SCAPER: variants seen among roughly 807,000 people sequenced by gnomAD.
The protein encoded by SCAPER is S phase cyclin A-associated protein in the endoplasmic reticulum.
A neutral mutation model predicts 182.2 loss-of-function variants in SCAPER; 98 were observed. The ratio of observed to expected loss-of-function variants is 0.54; its 90% CI spans 0.46 to 0.64. The LOEUF (loss-of-function observed/expected upper bound fraction) is 0.64. Ranked by LOEUF, SCAPER falls within the 30% of genes least tolerant of loss-of-function variation. The pLI is 0.00. For missense variants in SCAPER, 1,432 were observed against 1,690.0 expected (o/e 0.85, Z 2.68); for synonymous variants, 605 against 564.6 (o/e 1.07, Z -1.01).
intron 25 of SCAPER, among the ~76,000 whole-genome samples, chr15:76,445,939 CT>C (rs1446665476): frequency 6.6e-6 from 1 of 152,144 alleles, no homozygotes; most frequent in Non-Finnish European, 1.5e-5. Context: ...CTTAAGACCT[CT>C]GATTCTTCCA....
At chr15:76,601,408 G>A (rs2049925606) in intron 22 of SCAPER, among the ~76,000 whole-genome samples, 1 of 121,292 alleles carries the variant, frequency 8.2e-6, no homozygotes, top group Non-Finnish European at 2.0e-5. Flanking sequence ...TCTTTCCTAT[G>A]TTTAGTTATG....
chr15:76,360,073 A>G (rs1446558976), intron 29 of SCAPER, among the ~76,000 whole-genome samples: 1 of 152,230 alleles, frequency 6.6e-6, no homozygotes, highest in Non-Finnish European at 1.5e-5. Context: ...GAAGGAAATT[A>G]GGATTACAAT....
intron 22 of SCAPER, among the ~76,000 whole-genome samples, chr15:76,617,047 A>G (rs976365017): frequency 5.9e-5 from 9 of 152,178 alleles, no homozygotes; most frequent in African/African-American, 2.2e-4. Context: ...ATTAATTTAT[A>G]CAAGGTATTG....
chr15:76,772,032 C>T lies in SCAPER; in HGVS notation c.1036-78G>A, dbSNP rs1034881422. ...CACTTTAGAAGAAGAGATGATTTTG[C>T]TTAACCTATTAACTATGAAGAAGAA... On this transcript the variant is annotated intron_variant, in intron 9 of 31. Transcript: ENST00000563290. 4 of 1,081,098 alleles carry T rather than the reference C, an allele frequency of 3.7e-6. No homozygotes were observed. In the African/African-American group the frequency reaches 8.0e-5, roughly 22 times the overall value. 67.0% of individuals were successfully genotyped at this position (1,081,098 alleles called of 1,614,324 possible). A position where few individuals can be genotyped will look rare whatever the true frequency, so the allele number is the denominator to read the frequency against.
At chr15:76,870,797 G>C (rs1432707737) in intron 2 of SCAPER, among the ~76,000 whole-genome samples, 1 of 152,060 alleles carries the variant, frequency 6.6e-6, no homozygotes. Flanking sequence ...AATGGGATTA[G>C]AGCACATAAA....
intron 22 of SCAPER, among the ~76,000 whole-genome samples, chr15:76,614,035 G>A (rs1326411609): frequency 6.6e-6 from 1 of 152,150 alleles, no homozygotes; most frequent in Admixed American, 6.5e-5. Context: ...AGAAAATGTG[G>A]TATGTATACA....
intron 26 of SCAPER, among the ~76,000 whole-genome samples, chr15:76,408,361 C>T (rs963213028): frequency 2.0e-5 from 3 of 152,088 alleles, no homozygotes; most frequent in Non-Finnish European, 4.4e-5. Flanking sequence ...TGACTGGATA[C>T]ATAAACATCA....
At chr15:76,644,254 A>G (rs1320108074) in intron 21 of SCAPER, among the ~76,000 whole-genome samples, 1 of 152,188 alleles carries the variant, frequency 6.6e-6, no homozygotes, top group Non-Finnish European at 1.5e-5. Context: ...GTGAGAATTC[A>G]GCTGTCTTTA....
At chr15:76,657,975 A>G (rs868183098) in intron 21 of SCAPER, among the ~76,000 whole-genome samples, 1 of 152,216 alleles carries the variant, frequency 6.6e-6, no homozygotes. Context: ...AACAGGCAAA[A>G]GCTGGAAGCA....
intron 24 of SCAPER, 69 bp downstream of exon 24, chr15:76,504,790 T>C: frequency 1.6e-6 from 2 of 1,279,272 alleles, no homozygotes; most frequent in Non-Finnish European, 2.1e-6. Context: ...TGGTTCTCCA[T>C]ATGGAAACCA....
intron 22 of SCAPER, among the ~76,000 whole-genome samples, chr15:76,615,942 T>C (rs1216415825): frequency 6.6e-6 from 1 of 151,996 alleles, no homozygotes; most frequent in Non-Finnish European, 1.5e-5. Flanking sequence ...ACTATATGGA[T>C]GGCTACTATC....
intron 22 of SCAPER, among the ~76,000 whole-genome samples, chr15:76,582,564 A>T (rs929954665): frequency 6.6e-6 from 1 of 152,240 alleles, no homozygotes; most frequent in Admixed American, 6.5e-5. Flanking sequence ...TAACGAAATA[A>T]GTATTTTTCT....
At chr15:76,516,887 C>T (rs372782853) in intron 23 of SCAPER, among the ~76,000 whole-genome samples, 4 of 152,082 alleles carry the variant, frequency 2.6e-5, no homozygotes, top group East Asian at 1.9e-4. Flanking sequence ...AGCAACATTT[C>T]GAGGGCTTAT....
chr15:76,887,678 G>A (rs35940181), intron 1 of SCAPER, among the ~76,000 whole-genome samples: 51,829 of 152,044 alleles, frequency 0.34, 9,108 homozygotes, highest in East Asian at 0.55. Context: ...CCCCCCAACA[G>A]CTCAGCAAGG....
chr15:76,763,523 T>A (rs1321522655), intron 14 of SCAPER, among the ~76,000 whole-genome samples: 1 of 137,908 alleles, frequency 7.3e-6, no homozygotes, highest in Non-Finnish European at 1.6e-5. Flanking sequence ...TTGTTCTCCA[T>A]ATTTAGGAAG....
intron 3 of SCAPER, among the ~76,000 whole-genome samples, chr15:76,859,801 G>A (rs1465163091): frequency 7.2e-5 from 11 of 151,884 alleles, no homozygotes; most frequent in Admixed American, 3.9e-4. Context: ...GCGCGATCTC[G>A]GCTCACTGCA....
At chr15:76,563,989 T>C (rs968674397) in intron 23 of SCAPER, among the ~76,000 whole-genome samples, 1 of 152,092 alleles carries the variant, frequency 6.6e-6, no homozygotes, top group Non-Finnish European at 1.5e-5. Context: ...AAACTCTCAA[T>C]AAAGTAGGTA....
At position 76,434,159 on chromosome 15, in the gene SCAPER, G is replaced by GTAGC; in HGVS notation, c.3226_3229dup (p.Thr1077SerfsTer18). 6.2e-7 allele frequency: 1 copy of GTAGC among 1,613,912 alleles called. No individual in the cohort carries two copies. The highest frequency in any genetic ancestry group is 8.5e-7 in the Non-Finnish European group (1 of 1,179,878). The stretch of plus-strand genomic sequence containing the variant: ...CATTTCCTGTGTTGGTATTTTTGGG[G>GTAGC]TAGCTGGCTGGCAGTTTCCATCTGG... On this transcript the variant is annotated frameshift_variant, in exon 26 of 32. Transcript: ENST00000563290. LOFTEE classifies it high-confidence loss of function.
chr15:76,507,287 A>C (rs2143898715), intron 23 of SCAPER, among the ~76,000 whole-genome samples: 1 of 152,292 alleles, frequency 6.6e-6, no homozygotes, highest in African/African-American at 2.4e-5. Flanking sequence ...GTGGCCATCC[A>C]TGAGCCAAGG....
Sources: gnomAD v4.1 joint callset for allele counts (sites outside exome capture counted in the v4.1 genomes callset) on GRCh38, gnomAD v4.1.1 for gene constraint, MANE v1.5 for transcripts, NCBI Gene and HGNC (gene_info 2026-07-23, HGNC 2026-07-21) for gene names.